Variants in ZC3H12B observed in about 807,000 individuals in gnomAD.
The protein encoded by ZC3H12B is probable ribonuclease ZC3H12B.
ZC3H12B carries 7 observed loss-of-function variants against 43.9 expected under a neutral mutation model. The observed-to-expected ratio is 0.16, with a 90% CI of 0.09 to 0.30. ZC3H12B has a LOEUF of 0.30. ZC3H12B is among the 10% of genes least tolerant of loss of function. The pLI is 1.00. For missense variants in ZC3H12B, 475 were observed against 670.2 expected (o/e 0.71, Z 3.22); for synonymous variants, 222 against 241.7 (o/e 0.92, Z 0.76).
At chrX:65,247,159 A>G in the ZC3H12B span, among the ~76,000 whole-genome samples, 5 of 112,513 alleles carry the variant, frequency 4.4e-5, no homozygotes, top group African/African-American at 1.3e-4. Context: ...ACTGATTATT[A>G]GAGAAATGCA....
the ZC3H12B span, among the ~76,000 whole-genome samples, chrX:65,213,878 G>A: frequency 2.0e-5 from 2 of 101,742 alleles, no homozygotes; most frequent in Non-Finnish European, 3.9e-5. Flanking sequence ...TGAAGGCAAC[G>A]TAAAAAAAAA....
chrX:65,211,728 G>A, the ZC3H12B span, among the ~76,000 whole-genome samples: 2 of 80,786 alleles, frequency 2.5e-5, no homozygotes, highest in African/African-American at 9.4e-5. Context: ...ATATTTTTAT[G>A]TAATAATATA....
the ZC3H12B span, among the ~76,000 whole-genome samples, chrX:65,328,920 T>C: frequency 9.1e-6 from 1 of 110,412 alleles, no homozygotes; most frequent in South Asian, 3.9e-4. Flanking sequence ...GGTGTATATG[T>C]GCCACATTTC....
At chrX:65,291,873 C>T in the ZC3H12B span, among the ~76,000 whole-genome samples, 5 of 111,604 alleles carry the variant, frequency 4.5e-5, no homozygotes, top group East Asian at 2.8e-4. Context: ...ACATTACCTG[C>T]GTTAATTTCA....
the ZC3H12B span, among the ~76,000 whole-genome samples, chrX:65,110,309 C>T: frequency 1.8e-5 from 2 of 109,499 alleles, no homozygotes; most frequent in Non-Finnish European, 3.8e-5. Context: ...TTCAGTCTAT[C>T]AATTTTTCTT....
At chrX:65,416,930 C>G (rs1035602866) in intron 3 of ZC3H12B, among the ~76,000 whole-genome samples, 2 of 111,960 alleles carry the variant, frequency 1.8e-5, no homozygotes, top group Non-Finnish European at 3.8e-5. Context: ...CCTGACTATA[C>G]TTGTTTATAC....
intron 3 of ZC3H12B, among the ~76,000 whole-genome samples, chrX:65,441,907 C>A (rs1247028827): frequency 9.1e-6 from 1 of 110,109 alleles, no homozygotes; most frequent in Non-Finnish European, 1.9e-5. Flanking sequence ...CCCCTCATGG[C>A]GTTTCCCGAA....
intron 2 of ZC3H12B, among the ~76,000 whole-genome samples, chrX:65,383,334 G>A (rs1397306710): frequency 9.0e-6 from 1 of 111,730 alleles, no homozygotes; most frequent in Non-Finnish European, 1.9e-5. Flanking sequence ...ACAAACCTGG[G>A]AAAAACAAGC....
At chrX:65,290,947 A>T in the ZC3H12B span, among the ~76,000 whole-genome samples, 2 of 111,686 alleles carry the variant, frequency 1.8e-5, no homozygotes, top group African/African-American at 6.5e-5. Context: ...TTGATAGCAG[A>T]GTAAGATGAC....
intron 3 of ZC3H12B, among the ~76,000 whole-genome samples, chrX:65,461,189 T>C (rs765175790): frequency 1.8e-5 from 2 of 111,808 alleles, no homozygotes; most frequent in East Asian, 5.6e-4. Flanking sequence ...TGGTGATCAT[T>C]AAAAAGTCAG....
chrX:65,054,695 G>A, the ZC3H12B span, among the ~76,000 whole-genome samples: 2 of 111,760 alleles, frequency 1.8e-5, no homozygotes, highest in South Asian at 3.7e-4. Context: ...CCATTTTTAC[G>A]ATATTGATTC....
chrX:65,460,282 C>A (rs1376859770), intron 3 of ZC3H12B, among the ~76,000 whole-genome samples: 5 of 111,568 alleles, frequency 4.5e-5, no homozygotes, highest in African/African-American at 1.3e-4. Flanking sequence ...GGCCATACTG[C>A]CCAAGGTAAT....
chrX:65,234,239 C>T, the ZC3H12B span, among the ~76,000 whole-genome samples: 1 of 112,028 alleles, frequency 8.9e-6, no homozygotes, highest in Non-Finnish European at 1.9e-5. Flanking sequence ...ATCACATCAA[C>T]AGAATAAGGG....
intron 3 of ZC3H12B, among the ~76,000 whole-genome samples, chrX:65,482,855 T>C (rs1374851845): frequency 8.9e-6 from 1 of 111,786 alleles, no homozygotes; most frequent in Non-Finnish European, 1.9e-5. Context: ...AATCAAAATA[T>C]TGTGTGTTTA....
the ZC3H12B span, among the ~76,000 whole-genome samples, chrX:65,144,504 T>C: frequency 0.24 from 26,588 of 111,011 alleles, 7,655 homozygotes; most frequent in African/African-American, 0.83. Flanking sequence ...TTCCTTTCTT[T>C]TGCTGGTTTT....
At chrX:65,299,210 T>C in the ZC3H12B span, among the ~76,000 whole-genome samples, 1 of 112,081 alleles carries the variant, frequency 8.9e-6, no homozygotes, top group South Asian at 3.7e-4. Context: ...CCCAAATATT[T>C]AAGGAAGAAA....
At chrX:65,379,898 AT>A (rs1294270429) in intron 2 of ZC3H12B, among the ~76,000 whole-genome samples, 1 of 111,828 alleles carries the variant, frequency 8.9e-6, no homozygotes, top group Non-Finnish European at 1.9e-5. Flanking sequence ...GAGAAGGGAA[AT>A]TTAGAGAAAA....
the ZC3H12B span, among the ~76,000 whole-genome samples, chrX:65,288,783 T>C: frequency 1.8e-5 from 2 of 111,311 alleles, no homozygotes; most frequent in African/African-American, 6.5e-5. Flanking sequence ...AGTATCCAAA[T>C]TCGAAAAAAG....
At chrX:65,154,484 G>T in the ZC3H12B span, among the ~76,000 whole-genome samples, 9 of 111,673 alleles carry the variant, frequency 8.1e-5, no homozygotes, top group East Asian at 1.4e-3. Flanking sequence ...ATAATTTGGG[G>T]GATTTTCTAC....
Sources: allele counts gnomAD v4.1 joint callset (sites outside exome capture counted in the v4.1 genomes callset), GRCh38; gene constraint gnomAD v4.1.1; transcripts MANE v1.5; gene names NCBI Gene and HGNC (gene_info 2026-07-23, HGNC 2026-07-21).